The following AGBL1 variants were observed in gnomAD, a reference collection of about 807,000 sequenced individuals.
AGBL1 encodes AGBL carboxypeptidase 1, also known as cytosolic carboxypeptidase 4.
AGBL1 carries 130 observed loss-of-function variants against 118.9 expected under a neutral mutation model. The observed-to-expected ratio is 1.09, with a 90% confidence interval of 0.95 to 1.26. The LOEUF (loss-of-function observed/expected upper bound fraction) is 1.26. Ranked by LOEUF, AGBL1 falls within the 50% of genes most tolerant of loss-of-function variation. The probability of loss-of-function intolerance (pLI) is 0.00; values close to 1 mark genes in which losing one functional copy is unlikely to be tolerated. For missense variants in AGBL1, 1,584 were observed against 1,298.1 expected (o/e 1.22, Z -3.38); for synonymous variants, 555 against 478.9 (o/e 1.16, Z -2.08).
At chr15:86,999,061 T>G (rs1471906005) in intron 24 of AGBL1, among the ~76,000 whole-genome samples, 1 of 151,110 alleles carries the variant, frequency 6.6e-6, no homozygotes, top group Non-Finnish European at 1.5e-5. Flanking sequence ...TGTGTCCAAG[T>G]GTGCTCACTG....
chr15:86,560,289 C>G (rs1052099715), intron 21 of AGBL1, among the ~76,000 whole-genome samples: 1 of 148,334 alleles, frequency 6.7e-6, no homozygotes, highest in East Asian at 2.1e-4. Context: ...ATCCCTCCCC[C>G]CTCCCCACCC....
chr15:86,168,827 T>C (rs1383897670), intron 5 of AGBL1, among the ~76,000 whole-genome samples: 2 of 152,240 alleles, frequency 1.3e-5, no homozygotes, highest in East Asian at 3.8e-4. Context: ...TCTGAGATTG[T>C]TGTCTTGATC....
intron 23 of AGBL1, among the ~76,000 whole-genome samples, chr15:86,944,999 T>C (rs867181288): frequency 4.6e-5 from 7 of 152,238 alleles, no homozygotes; most frequent in Non-Finnish European, 7.4e-5. Context: ...TGTCACATCA[T>C]TGTTTACAAT....
chr15:86,677,705 T>C lies in AGBL1; in HGVS notation c.3158+3269T>C, dbSNP rs557003435. Reference sequence around the variant, plus strand: ...ACACCTCCCGTGTTCTCCGAAATTATAGTCCTGTTGCTTTAGCCTGGGCTC... The same window carrying C: ...ACACCTCCCGTGTTCTCCGAAATTACAGTCCTGTTGCTTTAGCCTGGGCTC... On this transcript the variant is annotated intron_variant, in intron 22 of 22. Transcript: ENST00000614907. 4.3e-4 allele frequency among the ~76,000 whole-genome samples: 65 copies of C among 152,308 alleles called. 2 individuals carry two copies. The highest frequency in any genetic ancestry group is 3.4e-3 in the Middle Eastern group (1 of 294).
chr15:86,274,356 G>A (rs1489613347), intron 15 of AGBL1, among the ~76,000 whole-genome samples: 2 of 151,944 alleles, frequency 1.3e-5, no homozygotes, highest in East Asian at 3.9e-4. Context: ...CTAATATTAA[G>A]GGTAGGGGTA....
chr15:86,270,880 A>G (rs547832497), intron 14 of AGBL1, among the ~76,000 whole-genome samples: 2 of 152,248 alleles, frequency 1.3e-5, no homozygotes, highest in South Asian at 2.1e-4. Flanking sequence ...AGGTGTTGGG[A>G]GAACCATGTT....
At chr15:86,973,626 T>C (rs1428597894) in intron 23 of AGBL1, among the ~76,000 whole-genome samples, 1 of 151,810 alleles carries the variant, frequency 6.6e-6, no homozygotes, top group East Asian at 1.9e-4. Flanking sequence ...AGAAGTACAT[T>C]ACACAGACAT....
chr15:86,976,119 T>C (rs556036305), intron 23 of AGBL1, among the ~76,000 whole-genome samples: 125 of 151,772 alleles, frequency 8.2e-4, no homozygotes, highest in Middle Eastern at 3.5e-3. Context: ...AAATTTTAGA[T>C]CTATCACATA....
intron 24 of AGBL1, among the ~76,000 whole-genome samples, chr15:87,009,524 GTCCCCACTGGGGCAC>G (rs1285744243): frequency 6.6e-6 from 1 of 152,214 alleles, no homozygotes; most frequent in East Asian, 1.9e-4. Flanking sequence ...CCCACACAGA[GTCCCCACTGGGGCAC>G]TGCCCAGTGG....
chr15:86,788,612 G>C (rs367558535), intron 22 of AGBL1, among the ~76,000 whole-genome samples: 1 of 152,126 alleles, frequency 6.6e-6, no homozygotes, highest in East Asian at 1.9e-4. Flanking sequence ...ACGGTCATAG[G>C]CAATTAGTAA....
intron 23 of AGBL1, among the ~76,000 whole-genome samples, chr15:86,922,317 G>C (rs1249068102): frequency 2.0e-5 from 3 of 152,164 alleles, no homozygotes; most frequent in African/African-American, 7.2e-5. Context: ...CTCAGATGAA[G>C]TCTCGCTCTG....
intron 21 of AGBL1, among the ~76,000 whole-genome samples, chr15:86,555,752 T>A (rs2083725093): frequency 6.6e-6 from 1 of 152,192 alleles, no homozygotes; most frequent in Non-Finnish European, 1.5e-5. Context: ...ACCTATTTTT[T>A]TTCATATGTC....
At chr15:86,712,377 T>TA (rs397815339) in intron 22 of AGBL1, among the ~76,000 whole-genome samples, 5 of 151,764 alleles carry the variant, frequency 3.3e-5, no homozygotes, top group Admixed American at 1.3e-4. Flanking sequence ...TTTTTTTTTT[T>TA]AATTTACCAC....
At chr15:86,527,369 T>C (rs1444352033) in intron 19 of AGBL1, among the ~76,000 whole-genome samples, 4 of 152,340 alleles carry the variant, frequency 2.6e-5, no homozygotes, top group South Asian at 2.1e-4. Flanking sequence ...AAAATATAAA[T>C]AAACATTAAT....
chr15:86,689,325 G>A (rs2086120343), intron 22 of AGBL1, among the ~76,000 whole-genome samples: 1 of 152,070 alleles, frequency 6.6e-6, no homozygotes, highest in African/African-American at 2.4e-5. Flanking sequence ...AGCATTTCTA[G>A]CCACTCCTAC....
intron 22 of AGBL1, among the ~76,000 whole-genome samples, chr15:86,823,815 G>A (rs2078972677): frequency 6.6e-6 from 1 of 151,970 alleles, no homozygotes; most frequent in African/African-American, 2.4e-5. Context: ...ATAACAACAG[G>A]CTAAAGGAGA....
At chr15:86,145,224 T>C (rs2077017035) in intron 3 of AGBL1, among the ~76,000 whole-genome samples, 1 of 152,216 alleles carries the variant, frequency 6.6e-6, no homozygotes. Flanking sequence ...ACATGAATTT[T>C]TGGGGGCCAC....
At chr15:86,756,696 T>TA (rs1278233379) in intron 22 of AGBL1, among the ~76,000 whole-genome samples, 10 of 152,036 alleles carry the variant, frequency 6.6e-5, no homozygotes, top group African/African-American at 2.4e-4. Flanking sequence ...GCAGCATTTG[T>TA]AAAACCTGGA....
intron 1 of AGBL1, among the ~76,000 whole-genome samples, chr15:86,106,768 A>G (rs556962525): frequency 1.3e-5 from 2 of 152,372 alleles, no homozygotes; most frequent in East Asian, 3.9e-4. Flanking sequence ...TGTCTAGATA[A>G]TAATTTCTCT....
Sources: allele counts gnomAD v4.1 joint callset (sites outside exome capture counted in the v4.1 genomes callset), GRCh38; gene constraint gnomAD v4.1.1; transcripts MANE v1.5; gene names NCBI Gene and HGNC (gene_info 2026-07-23, HGNC 2026-07-21).